Variants in HTATSF1 observed in about 807,000 individuals in gnomAD.
HTATSF1 encodes the protein 17S U2 SnRNP complex component HTATSF1.
Under a neutral mutation model 46.1 loss-of-function variants are expected in HTATSF1, and 6 were observed. The observed-to-expected ratio is 0.13, with a 90% CI of 0.07 to 0.26. The LOEUF is 0.26. Ranked by LOEUF, HTATSF1 falls within the 10% of genes least tolerant of loss-of-function variation. The pLI, the probability that HTATSF1 is intolerant of heterozygous loss-of-function variation, is 1.00. For synonymous variants in HTATSF1, 226 were observed against 211.5 expected (o/e 1.07, Z -0.60); for missense variants, 452 against 559.9 (o/e 0.81, Z 1.94).
intron 5 of HTATSF1, among the ~76,000 whole-genome samples, chrX:136,504,104 C>A (rs1439764285): frequency 9.0e-6 from 1 of 111,509 alleles, no homozygotes; most frequent in Non-Finnish European, 1.9e-5. Flanking sequence ...CTCCTGGCCT[C>A]AAGTGATCCG....
chrX:136,508,161 A>G (rs1396611345), intron 6 of HTATSF1, among the ~76,000 whole-genome samples: 1 of 112,577 alleles, frequency 8.9e-6, no homozygotes, highest in Admixed American at 9.4e-5. Context: ...ACAATTCTCT[A>G]TAGTTCCTCT....
At position 136,510,901 on chromosome X, in the gene HTATSF1, G is replaced by C. The variant is rs1288828860; in HGVS notation, c.1156G>C (p.Asp386His). Residue 386 changes from aspartate to histidine, a missense_variant, in exon 9 of 9, where the codon GAT becomes CAT. Transcript: ENST00000218364. ...PEANRGLRRS[D>H]SVSASERAGP... ...GGCCAACAGAGGCCTTAGGCGTTCA[G>C]ATTCTGTCTCTGCTTCCGAAAGGGC... is the stretch of plus-strand genomic sequence containing the variant. 8.3e-7 allele frequency: 1 copy of C among 1,211,840 alleles called. No homozygotes were observed. Among genetic ancestry groups the C allele is most frequent in the Non-Finnish European group, 1.1e-6 (1 of 895,497 alleles).
chrX:136,511,628 A>G lies in HTATSF1; in HGVS notation c.1883A>G (p.Glu628Gly). The change falls in exon 9 of 9, where the codon GAA becomes GGA. Residue 628 changes from glutamate to glycine, a missense_variant. Transcript: ENST00000218364. ...REFDEDSDEK[E>G]EEEDTYEKVF... is the part of the protein sequence containing the mutation. Reference sequence around the variant, plus strand: ...TTTGACGAAGATTCAGATGAAAAGGAAGAAGAGGAGGATACATATGAAAAA... The same window carrying G: ...TTTGACGAAGATTCAGATGAAAAGGGAGAAGAGGAGGATACATATGAAAAA... 1 of 1,211,126 alleles carries G rather than the reference A, an allele frequency of 8.3e-7. No homozygotes were observed. The highest frequency in any genetic ancestry group is 1.7e-5 in the African/African-American group (1 of 57,733).
Position 136,511,833 on chromosome X carries a change from G to C in HTATSF1, c.2088G>C (p.Leu696Phe). The change falls in exon 9 of 9, where the codon TTG becomes TTC. Residue 696 changes from leucine to phenylalanine, a missense_variant. Physicochemically the swap from Leu to Phe is conservative, Grantham distance 22. Transcript: ENST00000218364. The part of the protein sequence containing the change: ...GKEVEDADEK[L>F]FEDDDSNEKL... ...AAGTTGAAGATGCTGACGAAAAGTT[G>C]TTCGAAGATGATGATTCCAATGAGA... 1 of 1,211,466 alleles carries C rather than the reference G, an allele frequency of 8.3e-7. No individual in the cohort carries two copies. The highest frequency in any genetic ancestry group is 1.1e-6 in the Non-Finnish European group (1 of 895,314).
intron 1 of HTATSF1, among the ~76,000 whole-genome samples, 185 bp from the exon 2 acceptor site, chrX:136,499,413 G>A (rs1412568249): frequency 6.2e-5 from 7 of 112,126 alleles, no homozygotes; most frequent in East Asian, 2.8e-4. Flanking sequence ...TTTTATCACC[G>A]TATGCACAAT....
At position 136,510,330 on chromosome X, in the gene HTATSF1, T is replaced by G. The variant is rs941717610; in HGVS notation, c.1062+111T>G. On this transcript the variant is annotated intron_variant, in intron 8 of 8. Coordinates refer to ENST00000218364, the MANE Select transcript of HTATSF1 (RefSeq NM_014500.5). The stretch of plus-strand genomic sequence containing the variant: ...TTAACCTATTTAATGTAACAATGCT[T>G]CTTTTATTTTTATTTACTTATATAT... 20 of 538,987 alleles carry G rather than the reference T, an allele frequency of 3.7e-5. No individual in the cohort carries two copies. In the Middle Eastern group the frequency reaches 1.4e-3, roughly 37 times the overall value. The allele number at this position is 538,987 out of a possible 1,213,427, so 44.4% of individuals were successfully genotyped here.
chrX:136,503,054 T>G (rs984525495), intron 5 of HTATSF1, 113 bp downstream of exon 5: 3 of 427,401 alleles, frequency 7.0e-6, no homozygotes, highest in African/African-American at 5.1e-5. Flanking sequence ...TTAAAATAAT[T>G]TCATTAGCTC....
intron 6 of HTATSF1, among the ~76,000 whole-genome samples, chrX:136,508,636 T>C (rs1782619979): frequency 8.9e-6 from 1 of 112,798 alleles, no homozygotes; most frequent in Admixed American, 9.4e-5. Context: ...CAAAAATCAA[T>C]CTTAGGACAC....
At chrX:136,506,276 G>C (rs2075741637) in intron 6 of HTATSF1, among the ~76,000 whole-genome samples, 1 of 111,251 alleles carries the variant, frequency 9.0e-6, no homozygotes, top group Admixed American at 9.5e-5. Context: ...TTTCATGCTT[G>C]CAAATTCCTG....
chrX:136,497,358 T>TGGCGGCGGCGGCGGTGGCGGC (rs1294850190), upstream of HTATSF1: 2 of 113,181 alleles, frequency 1.8e-5, no homozygotes, highest in Admixed American at 1.9e-4. Flanking sequence ...GCGGCGGCGG[T>TGGCGGCGGCGGCGGTGGCGGC]GGCGGCGGCG....
At chrX:136,508,035 G>A (rs1423401143) in intron 6 of HTATSF1, among the ~76,000 whole-genome samples, 1 of 112,231 alleles carries the variant, frequency 8.9e-6, no homozygotes, top group Non-Finnish European at 1.9e-5. Flanking sequence ...TGTAGTTTTA[G>A]AAGCCTCAGA....
Position 136,510,817 on chromosome X carries a change from A to G in HTATSF1, c.1072A>G (p.Thr358Ala). The G allele has an allele frequency of 8.4e-7, 1 of 1,188,309 alleles. No homozygotes were observed. Among genetic ancestry groups the G allele is most frequent in the Non-Finnish European group, 1.1e-6 (1 of 887,090 alleles). ...DGTTDYQVEE[T>A]SREREERLRG... is the part of the protein sequence containing the mutation. ...CTCCATTTATCCACAGGTGGAGGAA[A>G]CCTCAAGAGAAAGGGAGGAAAGGCT... The change falls in exon 9 of 9, where the codon ACC (threonine) becomes GCC (alanine). Residue 358 changes from threonine to alanine, a missense_variant. By Grantham distance (58) the Thr-to-Ala change is moderately conservative. Transcript: ENST00000218364.
At chrX:136,497,562 AGGCGGGCCGGGGGGC>A (rs1191649032), upstream of HTATSF1, 9 of 506,314 alleles carry the variant, frequency 1.8e-5, no homozygotes, top group Non-Finnish European at 2.7e-5. Flanking sequence ...CGCAGCGGGG[AGGCGGGCCGGGGGGC>A]GGCGGGGCGC....
chrX:136,499,688 C>G lies in HTATSF1; in HGVS notation c.277C>G (p.His93Asp). The change falls in exon 2 of 9, where the codon CAT (histidine) becomes GAT (aspartate). Residue 93 changes from histidine to aspartate, a missense_variant. Transcript: ENST00000218364. Reference sequence around the variant, plus strand: ...TTCTACCGCAAATGTTGAAGATGTCCATGCTAGGACTGCAGAGGAACCTCC... The same window carrying G: ...TTCTACCGCAAATGTTGAAGATGTCGATGCTAGGACTGCAGAGGAACCTCC... The part of the protein sequence containing the change: ...SSSTANVEDV[H>D]ARTAEEPPQE... 2 of 1,199,016 alleles carry G rather than the reference C, an allele frequency of 1.7e-6. No individual in the cohort carries two copies. The highest frequency in any genetic ancestry group is 2.2e-6 in the Non-Finnish European group (2 of 889,917).
chrX:136,497,895 T>C (rs2075699814), intron 1 of HTATSF1, 25 bp downstream of exon 1: 3 of 1,101,568 alleles, frequency 2.7e-6, no homozygotes, highest in Non-Finnish European at 2.4e-6. Context: ...CGGGCGCCAC[T>C]GCAGAGCGGG....
At chrX:136,500,532 G>T in intron 3 of HTATSF1, 132 bp from the exon 4 acceptor site, 1 of 464,506 alleles carries the variant, frequency 2.2e-6, no homozygotes, top group Non-Finnish European at 3.6e-6. Flanking sequence ...TTCCGTAAAT[G>T]TAAAACTTTT....
chrX:136,497,451 C>T, upstream of HTATSF1: 1 of 152,517 alleles, frequency 6.6e-6, no homozygotes. Flanking sequence ...TGGGCGGCGG[C>T]GCGGCCGAGC....
rs887376353 is a variant in HTATSF1 at position 136,502,634 on chromosome X, A to C, written c.571-144A>C. Reference sequence around the variant, plus strand: ...TTCAGATTCTAGAGTTCTTTATCTCAAAGAGAGAACGAGATCTCGTATATT... The same window carrying C: ...TTCAGATTCTAGAGTTCTTTATCTCCAAGAGAGAACGAGATCTCGTATATT... On this transcript the variant is annotated intron_variant, in intron 4 of 8. Transcript: ENST00000218364. 2.1e-5 allele frequency: 5 copies of C among 234,450 alleles called. No homozygotes were observed. The Admixed American group carries it at 2.2e-4, about 10-fold the overall frequency. The allele number at this position is 234,450 out of a possible 1,213,427, so 19.3% of individuals were successfully genotyped here.
chrX:136,497,342 T>TCGGCGG (rs748874736), upstream of HTATSF1: 246 of 115,262 alleles, frequency 2.1e-3, 1 homozygote, highest in African/African-American at 6.8e-3. Flanking sequence ...TCAGATCCGG[T>TCGGCGG]CGGCGGCGGC....
Sources: allele counts gnomAD v4.1 joint callset (sites outside exome capture counted in the v4.1 genomes callset), GRCh38; gene constraint gnomAD v4.1.1; transcripts MANE v1.5; gene names NCBI Gene and HGNC (gene_info 2026-07-23, HGNC 2026-07-21).